The following CWC27 variants were observed in gnomAD, a reference collection of about 807,000 sequenced individuals.
The protein encoded by CWC27 is CWC27 spliceosome associated cyclophilin.
A neutral mutation model predicts 63.6 loss-of-function variants in CWC27; 47 were observed. The observed-to-expected ratio is 0.74, with a 90% CI of 0.58 to 0.94. CWC27 has a LOEUF of 0.94. Ranked by LOEUF, CWC27 falls within the 40% of genes least tolerant of loss-of-function variation. The probability of loss-of-function intolerance (pLI) is 0.00; values close to 1 mark genes in which losing one functional copy is unlikely to be tolerated. For missense variants in CWC27, 495 were observed against 554.3 expected, an observed-to-expected ratio of 0.89 and a Z score of 1.07; for synonymous variants, 175 against 179.8, an observed-to-expected ratio of 0.97 and a Z score of 0.22.
chr5:64,865,066 T>A (rs1746502875), intron 10 of CWC27, among the ~76,000 whole-genome samples: 1 of 152,080 alleles, frequency 6.6e-6, no homozygotes, highest in Non-Finnish European at 1.5e-5. Flanking sequence ...CCACAAATAT[T>A]TATTATGCAT....
chr5:64,838,815 T>C (rs989846061), intron 10 of CWC27, among the ~76,000 whole-genome samples: 3 of 152,176 alleles, frequency 2.0e-5, no homozygotes, highest in African/African-American at 7.2e-5. Context: ...GCAAACAAAA[T>C]TCACCAAATT....
intron 11 of CWC27, among the ~76,000 whole-genome samples, chr5:64,891,359 G>T (rs930570633): frequency 1.3e-5 from 2 of 152,118 alleles, no homozygotes; most frequent in Admixed American, 6.6e-5. Flanking sequence ...CCTCTCAACT[G>T]AAATTTTCTT....
In CWC27 at chr5:64,964,887, T is replaced by C. The variant is rs926083634; in HGVS notation, c.1043-6816T>C. 7.9e-5 allele frequency among the ~76,000 whole-genome samples: 12 copies of C among 152,108 alleles called. No homozygotes were observed. In the East Asian group the frequency reaches 2.3e-3, roughly 29 times the overall value. ...TTCTTAGCTCTGTTGAGTATATCTT[T>C]AAAAAAAATCAAATTGGTATTAAAT... On this transcript the variant is annotated intron_variant, in intron 11 of 13. Transcript: ENST00000381070.
At chr5:64,876,159 T>C (rs1349583809) in intron 10 of CWC27, among the ~76,000 whole-genome samples, 1 of 152,114 alleles carries the variant, frequency 6.6e-6, no homozygotes, top group Non-Finnish European at 1.5e-5. Flanking sequence ...TAAACTACAG[T>C]ACATTTTGGC....
intron 10 of CWC27, among the ~76,000 whole-genome samples, chr5:64,833,198 A>G (rs1745575246): frequency 6.6e-6 from 1 of 151,768 alleles, no homozygotes; most frequent in Admixed American, 6.6e-5. Flanking sequence ...TATGTATTCC[A>G]TTGGTTCTGG....
At chr5:64,969,789 A>T (rs971356141) in intron 11 of CWC27, among the ~76,000 whole-genome samples, 27 of 152,202 alleles carry the variant, frequency 1.8e-4, no homozygotes, top group Admixed American at 1.3e-4. Flanking sequence ...AGCTCAAAGG[A>T]GAGACATCTA....
At chr5:64,790,795 A>G (rs1001947720) in intron 7 of CWC27, among the ~76,000 whole-genome samples, 1 of 152,110 alleles carries the variant, frequency 6.6e-6, no homozygotes, top group Non-Finnish European at 1.5e-5. Flanking sequence ...TAACTATACT[A>G]TTTATTTTAT....
At chr5:64,984,376 T>C (rs1235880202) in intron 13 of CWC27, among the ~76,000 whole-genome samples, 1 of 152,246 alleles carries the variant, frequency 6.6e-6, no homozygotes, top group African/African-American at 2.4e-5. Context: ...GTTGATGTTA[T>C]GTGCATCAAG....
At position 64,804,346 on chromosome 5, in the gene CWC27, G is replaced by C; in HGVS notation, c.898G>C (p.Ala300Pro). The stretch of plus-strand genomic sequence containing the variant: ...GGACACAAGTGCGAATGTTAAATCA[G>C]CTGGAGAAGGAGAAGTGGAGAAGAA... ...KKDTSANVKS[A>P]GEGEVEKKSV... The change falls in exon 10 of 14, where the codon GCT becomes CCT. Residue 300 changes from alanine to proline, a missense_variant. Ala to Pro is a conservative substitution (Grantham distance 27). Coordinates refer to ENST00000381070, the MANE Select transcript of CWC27 (RefSeq NM_005869.4). 6.2e-7 allele frequency: 1 copy of C among 1,612,904 alleles called. No individual in the cohort carries two copies. Among genetic ancestry groups the C allele is most frequent in the South Asian group, 1.1e-5 (1 of 90,972 alleles).
intron 2 of CWC27, among the ~76,000 whole-genome samples, chr5:64,775,946 T>G (rs1743425283): frequency 6.6e-6 from 1 of 151,940 alleles, no homozygotes; most frequent in Non-Finnish European, 1.5e-5. Context: ...TGAAAGAGAA[T>G]CCAGTAGTAT....
At position 64,978,555 on chromosome 5, in the gene CWC27, T is replaced by A. The variant is rs144347926; in HGVS notation, c.1256+1317T>A. Among the ~76,000 whole-genome samples, 674 of 152,168 alleles carry A rather than the reference T, an allele frequency of 4.4e-3. 6 individuals carry two copies. The highest frequency in any genetic ancestry group is 0.015 in the African/African-American group (643 of 41,552). ...TAAATGCACATTGTATAGAACTTTT[T>A]GTTTTATATGACTGGACAGGTTTAG... On this transcript the variant is annotated intron_variant, in intron 13 of 13. Transcript: ENST00000381070.
intron 11 of CWC27, among the ~76,000 whole-genome samples, chr5:64,913,534 A>T (rs145969160): frequency 1.3e-5 from 2 of 152,106 alleles, no homozygotes; most frequent in Non-Finnish European, 2.9e-5. Flanking sequence ...TAAATTCAGT[A>T]TACATAATTC....
chr5:64,940,159 G>C (rs1748444858), intron 11 of CWC27, among the ~76,000 whole-genome samples: 2 of 152,110 alleles, frequency 1.3e-5, no homozygotes, highest in Non-Finnish European at 2.9e-5. Flanking sequence ...GGTGCCACTG[G>C]GGTATGAAAA....
intron 13 of CWC27, among the ~76,000 whole-genome samples, chr5:64,992,812 C>T (rs918160931): frequency 6.6e-6 from 1 of 151,894 alleles, no homozygotes; most frequent in Admixed American, 6.6e-5. Context: ...GGATTACAGG[C>T]GTGAGCCACT....
At chr5:64,789,202 C>G (rs1743990654) in intron 7 of CWC27, among the ~76,000 whole-genome samples, 182 bp downstream of exon 7, 1 of 151,746 alleles carries the variant, frequency 6.6e-6, no homozygotes. Context: ...TGAGATTATC[C>G]TATTTATTTT....
intron 13 of CWC27, among the ~76,000 whole-genome samples, chr5:64,996,089 G>T (rs1196583389): frequency 6.6e-6 from 1 of 152,096 alleles, no homozygotes; most frequent in African/African-American, 2.4e-5. Flanking sequence ...TTTCTGGTAT[G>T]GGCATATAAA....
intron 13 of CWC27, among the ~76,000 whole-genome samples, chr5:64,988,516 T>A (rs1344669670): frequency 2.0e-5 from 3 of 152,172 alleles, no homozygotes; most frequent in Non-Finnish European, 4.4e-5. Context: ...AATCTTAGTC[T>A]TGTTCTCAAT....
At chr5:64,840,140 G>C (rs571817630) in intron 10 of CWC27, among the ~76,000 whole-genome samples, 1 of 151,610 alleles carries the variant, frequency 6.6e-6, no homozygotes, top group East Asian at 2.0e-4. Flanking sequence ...TCAGTGTGGT[G>C]GGAAAAAGTG....
intron 6 of CWC27, among the ~76,000 whole-genome samples, chr5:64,788,253 T>A (rs1029460509): frequency 6.6e-6 from 1 of 152,078 alleles, no homozygotes; most frequent in Admixed American, 6.6e-5. Flanking sequence ...GTGTTTTGCT[T>A]TGTTTTTGTT....
Sources: allele counts gnomAD v4.1 joint callset (sites outside exome capture counted in the v4.1 genomes callset), GRCh38; gene constraint gnomAD v4.1.1; transcripts MANE v1.5; gene names NCBI Gene and HGNC (gene_info 2026-07-23, HGNC 2026-07-21).